The following ZNF804A variants were observed in gnomAD, a reference collection of about 807,000 sequenced individuals.
The protein encoded by ZNF804A is zinc finger protein 804A.
Under a neutral mutation model 16.5 loss-of-function variants are expected in ZNF804A, and 2 were observed. The ratio of observed to expected loss-of-function variants is 0.12; its 90% CI spans 0.05 to 0.38. ZNF804A has a LOEUF of 0.38. ZNF804A is among the 10% of genes least tolerant of loss of function. ZNF804A has a pLI of 0.99. For missense variants in ZNF804A, 1,473 were observed against 1,390.7 expected, an observed-to-expected ratio of 1.06 and a Z score of -0.94; for synonymous variants, 534 against 489.6, an observed-to-expected ratio of 1.09 and a Z score of -1.20.
chr2:184,710,707 T>C (rs1326003714), intron 1 of ZNF804A, among the ~76,000 whole-genome samples: 4 of 151,818 alleles, frequency 2.6e-5, no homozygotes, highest in Non-Finnish European at 5.9e-5. Context: ...TCTTTCTATT[T>C]TGTTTTTATG....
At chr2:184,664,617 C>T (rs147725178) in intron 1 of ZNF804A, among the ~76,000 whole-genome samples, 3,161 of 152,042 alleles carry the variant, frequency 0.021, 55 homozygotes, top group Non-Finnish European at 0.034. Context: ...TGTTTTGCAG[C>T]TACAACATCG....
intron 1 of ZNF804A, among the ~76,000 whole-genome samples, chr2:184,686,222 C>T (rs1692628395): frequency 6.6e-6 from 1 of 152,186 alleles, no homozygotes; most frequent in African/African-American, 2.4e-5. Flanking sequence ...GCTGCAGCTA[C>T]ACTAGGGAGC....
intron 1 of ZNF804A, among the ~76,000 whole-genome samples, chr2:184,766,988 G>C (rs996753043): frequency 3.9e-5 from 6 of 152,060 alleles, no homozygotes; most frequent in Non-Finnish European, 8.8e-5. Flanking sequence ...ACATACCAGA[G>C]GCATGCAACT....
At chr2:184,685,512 A>C (rs1295751433) in intron 1 of ZNF804A, among the ~76,000 whole-genome samples, 1 of 152,046 alleles carries the variant, frequency 6.6e-6, no homozygotes, top group African/African-American at 2.4e-5. Context: ...AAAATGAGGT[A>C]TGCGGACAAT....
At chr2:184,835,799 A>G (rs562885528) in intron 1 of ZNF804A, among the ~76,000 whole-genome samples, 1 of 152,262 alleles carries the variant, frequency 6.6e-6, no homozygotes, top group Non-Finnish European at 1.5e-5. Context: ...TTGAAGGTTC[A>G]TGGAGTGTCT....
chr2:184,782,753 G>A (rs1694391199), intron 1 of ZNF804A, among the ~76,000 whole-genome samples: 1 of 144,788 alleles, frequency 6.9e-6, no homozygotes, highest in African/African-American at 2.6e-5. Flanking sequence ...GACTAATACA[G>A]TTTTCCAGTA....
rs552853204 is a variant in ZNF804A at position 184,906,522 on chromosome 2, A to T, written c.256-27081A>T. On this transcript the variant is annotated intron_variant, in intron 2 of 3. Transcript: ENST00000302277. Reference sequence around the variant, plus strand: ...CGCCATATTGCCCACACTGGTCTCAAACTACTGGGCTGAAGAGATCCATCT... The same window carrying T: ...CGCCATATTGCCCACACTGGTCTCATACTACTGGGCTGAAGAGATCCATCT... Among the ~76,000 whole-genome samples, 3 of 152,144 alleles carry T rather than the reference A, an allele frequency of 2.0e-5. No individual in the cohort carries two copies. The East Asian group carries it at 5.8e-4, about 29-fold the overall frequency.
At chr2:184,934,962 G>A (rs748459027) in intron 3 of ZNF804A, among the ~76,000 whole-genome samples, 3 of 152,022 alleles carry the variant, frequency 2.0e-5, no homozygotes, top group African/African-American at 4.8e-5. Context: ...AAATTTTCTT[G>A]TCTACTTATA....
At chr2:184,810,542 G>A (rs1694878564) in intron 1 of ZNF804A, among the ~76,000 whole-genome samples, 1 of 139,230 alleles carries the variant, frequency 7.2e-6, no homozygotes, top group South Asian at 2.3e-4. Context: ...CCAGGCTGGA[G>A]TGCAGTGGAG....
intron 1 of ZNF804A, among the ~76,000 whole-genome samples, chr2:184,783,144 T>TTG (rs202041114): frequency 9.5e-5 from 12 of 126,974 alleles, no homozygotes; most frequent in Admixed American, 3.8e-4. Context: ...GTGAGTTTTT[T>TTG]TTTTTTTTTT....
Position 184,842,736 on chromosome 2 carries a change from A to G in ZNF804A, c.112-23633A>G, listed in dbSNP as rs549384245. On this transcript the variant is annotated intron_variant, in intron 1 of 3. Coordinates refer to ENST00000302277, the MANE Select transcript of ZNF804A (RefSeq NM_194250.2). Reference sequence around the variant, plus strand: ...TTTGAGTGAGGCTAGAAAATATTAAACAATTCACATATAAGCTCTGGGAAA... The same window carrying G: ...TTTGAGTGAGGCTAGAAAATATTAAGCAATTCACATATAAGCTCTGGGAAA... Among the ~76,000 whole-genome samples, 8 of 152,276 alleles carry G rather than the reference A, an allele frequency of 5.3e-5. No homozygotes were observed. In the South Asian group the frequency reaches 1.2e-3, roughly 24 times the overall value.
intron 1 of ZNF804A, among the ~76,000 whole-genome samples, chr2:184,842,651 A>G (rs1298601001): frequency 6.6e-6 from 1 of 152,130 alleles, no homozygotes; most frequent in Non-Finnish European, 1.5e-5. Flanking sequence ...AAAATACATA[A>G]CAATGAAAAA....
At chr2:184,833,822 T>G (rs1285116020) in intron 1 of ZNF804A, among the ~76,000 whole-genome samples, 2 of 152,054 alleles carry the variant, frequency 1.3e-5, no homozygotes, top group African/African-American at 4.8e-5. Flanking sequence ...CCATGGCACA[T>G]GTGTACCTAC....
At chr2:184,661,096 A>G (rs1297111782) in intron 1 of ZNF804A, among the ~76,000 whole-genome samples, 1 of 152,192 alleles carries the variant, frequency 6.6e-6, no homozygotes, top group African/African-American at 2.4e-5. Context: ...GAACATTGCT[A>G]TTCTTTATAT....
intron 1 of ZNF804A, among the ~76,000 whole-genome samples, chr2:184,677,544 T>C (rs1692459099): frequency 6.6e-6 from 1 of 151,944 alleles, no homozygotes; most frequent in Non-Finnish European, 1.5e-5. Context: ...AAATATGAAT[T>C]CCAACTGGCT....
At chr2:184,791,800 C>T (rs1694548706) in intron 1 of ZNF804A, among the ~76,000 whole-genome samples, 1 of 152,092 alleles carries the variant, frequency 6.6e-6, no homozygotes, top group Non-Finnish European at 1.5e-5. Flanking sequence ...AATAGTATCA[C>T]ATAGAATAGT....
At chr2:184,705,084 A>G (rs1391957159) in intron 1 of ZNF804A, among the ~76,000 whole-genome samples, 1 of 152,214 alleles carries the variant, frequency 6.6e-6, no homozygotes, top group Non-Finnish European at 1.5e-5. Flanking sequence ...GTTTGAGGTT[A>G]ATCAGAGCCT....
chr2:184,701,793 A>C (rs1315198093), intron 1 of ZNF804A, among the ~76,000 whole-genome samples: 1 of 151,968 alleles, frequency 6.6e-6, no homozygotes, highest in Non-Finnish European at 1.5e-5. Flanking sequence ...GTAACAAATT[A>C]CTACAATTAG....
At chr2:184,852,220 G>A (rs1366256744) in intron 1 of ZNF804A, among the ~76,000 whole-genome samples, 1 of 136,666 alleles carries the variant, frequency 7.3e-6, no homozygotes, top group Non-Finnish European at 1.6e-5. Flanking sequence ...TTATGTGAAT[G>A]CGGTCTCTTT....
Sources: gnomAD v4.1 joint callset for allele counts (sites outside exome capture counted in the v4.1 genomes callset) on GRCh38, gnomAD v4.1.1 for gene constraint, MANE v1.5 for transcripts, NCBI Gene and HGNC (gene_info 2026-07-23, HGNC 2026-07-21) for gene names.